DLGAP4: variants seen among roughly 807,000 people sequenced by gnomAD.
The protein encoded by DLGAP4 is DLG associated protein 4.
Under a neutral mutation model 86.9 loss-of-function variants are expected in DLGAP4, and 18 were observed. The ratio of observed to expected loss-of-function variants is 0.21; its 90% confidence interval spans 0.14 to 0.31. The LOEUF (loss-of-function observed/expected upper bound fraction) is 0.31, where lower values mean the gene tolerates loss of function less well. Among genes scored for constraint, DLGAP4 ranks in the 10% least tolerant of loss-of-function variants. The pLI is 1.00. For missense variants in DLGAP4, 1,085 were observed against 1,362.6 expected (o/e 0.80, Z 3.21); for synonymous variants, 548 against 574.3 (o/e 0.95, Z 0.65).
intron 2 of DLGAP4, among the ~76,000 whole-genome samples, chr20:36,404,396 C>G (rs2032251550): frequency 6.6e-6 from 1 of 152,158 alleles, no homozygotes; most frequent in South Asian, 2.1e-4. Flanking sequence ...ATGAGAGGCA[C>G]CAATGCAGGC....
At chr20:36,522,118 C>T (rs554909022) in intron 10 of DLGAP4, among the ~76,000 whole-genome samples, 1 of 152,186 alleles carries the variant, frequency 6.6e-6, no homozygotes, top group South Asian at 2.1e-4. Context: ...TTGTTGCCGG[C>T]TAGGTTCAGG....
At chr20:36,418,243 A>C (rs1436103210) in intron 2 of DLGAP4, among the ~76,000 whole-genome samples, 4 of 150,942 alleles carry the variant, frequency 2.7e-5, no homozygotes, top group African/African-American at 7.3e-5. Flanking sequence ...CCTCCCAAGT[A>C]GCTGGGATTA....
intron 2 of DLGAP4, among the ~76,000 whole-genome samples, chr20:36,394,990 G>A (rs1413237525): frequency 6.6e-6 from 1 of 152,064 alleles, no homozygotes; most frequent in Non-Finnish European, 1.5e-5. Context: ...CCTCCCTAGA[G>A]CTGCCCCCTC....
rs1387498508 is a variant in DLGAP4, at chr20:36,308,386, T to C, written c.-304+1874T>C. 5.3e-5 allele frequency among the ~76,000 whole-genome samples: 8 copies of C among 152,170 alleles called. No individual in the cohort carries two copies. The highest frequency in any genetic ancestry group is 5.9e-5 in the Non-Finnish European group (4 of 68,018). On this transcript the variant is annotated intron_variant, in intron 1 of 12. Coordinates refer to ENST00000339266, the MANE Select transcript of DLGAP4 (RefSeq NM_001365621.2). This position sits in a 1 kb window ranked among gnomAD's most constrained non-coding sequence, Gnocchi z 4.5. ...TGTCAGGCATTGGAGACAGTGTCCATGCTGAAGAGAAACTGTGAGCTGGAC... is the reference window on the plus strand; with the variant it reads ...TGTCAGGCATTGGAGACAGTGTCCACGCTGAAGAGAAACTGTGAGCTGGAC...
intron 10 of DLGAP4, among the ~76,000 whole-genome samples, chr20:36,521,287 CCT>C (rs1203078401): frequency 6.6e-6 from 1 of 152,192 alleles, no homozygotes; most frequent in Non-Finnish European, 1.5e-5. Flanking sequence ...TTCTCCCATC[CCT>C]CTGTCCCCTT....
At chr20:36,438,531 G>A (rs916054939) in intron 4 of DLGAP4, among the ~76,000 whole-genome samples, 1 of 150,402 alleles carries the variant, frequency 6.6e-6, no homozygotes, top group East Asian at 1.9e-4. Context: ...CTGGGCCTCA[G>A]TTTCCCAATC....
At chr20:36,436,818 A>G (rs958353718) in intron 4 of DLGAP4, among the ~76,000 whole-genome samples, 1 of 150,030 alleles carries the variant, frequency 6.7e-6, no homozygotes. Context: ...TCCGTCTCAA[A>G]AAAAAAAAAA....
chr20:36,452,923 C>T (rs2147594139), intron 7 of DLGAP4, among the ~76,000 whole-genome samples: 1 of 150,106 alleles, frequency 6.7e-6, no homozygotes, highest in South Asian at 2.1e-4. Flanking sequence ...ACCTCTGCCT[C>T]CCAGGTTCAA....
At chr20:36,369,137 A>G (rs1348055188) in intron 2 of DLGAP4, among the ~76,000 whole-genome samples, 1 of 152,192 alleles carries the variant, frequency 6.6e-6, no homozygotes, top group Non-Finnish European at 1.5e-5. Context: ...TTTGCTAACA[A>G]GCTGGTTATT....
chr20:36,500,899 T>G lies in DLGAP4; in HGVS notation c.2512+288T>G, dbSNP rs555652129. Among the ~76,000 whole-genome samples the G allele has an allele frequency of 6.6e-6, 1 of 152,252 alleles. No individual in the cohort carries two copies. The highest frequency in any genetic ancestry group is 2.4e-5 in the African/African-American group (1 of 41,540). ...CTCCTCCCTTACTAGTGAAGTAACC[T>G]TGGTCAGGTTACTCCGAGCCCCCAT... is the stretch of plus-strand genomic sequence containing the variant. On this transcript the variant is annotated intron_variant, in intron 10 of 12. Coordinates refer to ENST00000339266, the MANE Select transcript of DLGAP4 (RefSeq NM_001365621.2). The surrounding 1 kb of genome is among the most constrained non-coding windows in gnomAD (Gnocchi z 4.6).
At chr20:36,447,187 G>A (rs937164649) in intron 7 of DLGAP4, among the ~76,000 whole-genome samples, 76 of 152,286 alleles carry the variant, frequency 5.0e-4, no homozygotes, top group African/African-American at 1.7e-3. Flanking sequence ...GGAGGGGCTG[G>A]AGCTTGTAGG....
chr20:36,368,719 G>A (rs1419270516), intron 2 of DLGAP4, among the ~76,000 whole-genome samples: 1 of 152,226 alleles, frequency 6.6e-6, no homozygotes. Context: ...AGGAATGCAA[G>A]GGCCTCTCCA....
Position 36,436,118 on chromosome 20 carries a change from G to A in DLGAP4, c.1009G>A (p.Gly337Ser). 1 of 1,570,140 alleles carries A rather than the reference G, an allele frequency of 6.4e-7. No individual in the cohort carries two copies. The highest frequency in any genetic ancestry group is 8.6e-7 in the Non-Finnish European group (1 of 1,164,978). ...TGTGCCCCATCCCCAGGTGCCCGGCGGCGGCGGCGAGTGGAGCACCACGCT... is the reference window on the plus strand; with the variant it reads ...TGTGCCCCATCCCCAGGTGCCCGGCAGCGGCGGCGAGTGGAGCACCACGCT... ...LAYHYLQVPGGGGEWSTTLLS... is the reference protein window; with the variant it reads ...LAYHYLQVPGSGGEWSTTLLS... Residue 337 changes from glycine to serine, a missense_variant, in exon 4 of 13, where the codon GGC becomes AGC. By Grantham distance (56) the Gly-to-Ser change is moderately conservative. This residue lies in a region of DLGAP4 where 1,082 missense variants were observed against 1,344.1 expected (regional missense o/e 0.81). Transcript: ENST00000339266.
intron 10 of DLGAP4, among the ~76,000 whole-genome samples, chr20:36,513,376 G>A (rs1291950706): frequency 1.3e-5 from 2 of 149,806 alleles, no homozygotes; most frequent in East Asian, 2.0e-4. Context: ...GTGAAACCCC[G>A]TCTCTACTAA....
chr20:36,344,305 A>G (rs2065414487), intron 1 of DLGAP4, among the ~76,000 whole-genome samples: 1 of 152,170 alleles, frequency 6.6e-6, no homozygotes, highest in Non-Finnish European at 1.5e-5. Context: ...ACTTTACCCG[A>G]CTGCTGGGAG....
At chr20:36,512,274 T>A (rs1322266526) in intron 10 of DLGAP4, among the ~76,000 whole-genome samples, 1 of 151,884 alleles carries the variant, frequency 6.6e-6, no homozygotes, top group Non-Finnish European at 1.5e-5. Flanking sequence ...ATGGTCTTGA[T>A]CTCCTGACCT....
chr20:36,458,067 C>T (rs1182379189), intron 7 of DLGAP4, among the ~76,000 whole-genome samples: 2 of 151,940 alleles, frequency 1.3e-5, no homozygotes, highest in South Asian at 2.1e-4. Context: ...AGGAGAGAGC[C>T]ATGGTAAGAG....
At chr20:36,438,990 A>G (rs984752886) in intron 4 of DLGAP4, among the ~76,000 whole-genome samples, 12 of 152,170 alleles carry the variant, frequency 7.9e-5, no homozygotes, top group Admixed American at 5.9e-4. Flanking sequence ...CGGAGATCCT[A>G]CAATCCGAGT....
rs547938501 is a variant in DLGAP4, at chr20:36,436,381, G to T, written c.1241+31G>T. On this transcript the variant is annotated intron_variant, in intron 4 of 12. Coordinates refer to ENST00000339266, the MANE Select transcript of DLGAP4 (RefSeq NM_001365621.2). ...CGCGCAGCTCCACCCTTACGGTCCC[G>T]CCCAGAGGCAAGCCCCGCCCACTAC... 1.6e-5 allele frequency: 25 copies of T among 1,555,352 alleles called. No individual in the cohort carries two copies. The African/African-American group carries it at 2.8e-4, about 18-fold the overall frequency.
Sources: allele counts gnomAD v4.1 joint callset (sites outside exome capture counted in the v4.1 genomes callset), GRCh38; gene constraint gnomAD v4.1.1; regional missense constraint gnomAD v4.1.1; non-coding constraint Gnocchi (gnomAD v3.1); transcripts MANE v1.5; gene names NCBI Gene and HGNC (gene_info 2026-07-23, HGNC 2026-07-21).